COL27A1: variants seen among roughly 807,000 people sequenced by gnomAD.
COL27A1 encodes collagen alpha-1(XXVII) chain.
COL27A1 carries 106 observed loss-of-function variants against 251.3 expected under a neutral mutation model. That is an observed-to-expected ratio of 0.42 (90% CI 0.36 to 0.50). COL27A1 has a LOEUF of 0.50. Ranked by LOEUF, COL27A1 falls within the 20% of genes least tolerant of loss-of-function variation. COL27A1 has a pLI of 0.00. For missense variants in COL27A1, 2,325 were observed against 2,522.8 expected, an observed-to-expected ratio of 0.92 and a Z score of 1.68; for synonymous variants, 1,000 against 986.3, an observed-to-expected ratio of 1.01 and a Z score of -0.26.
At chr9:114,233,771 A>ATCC (rs1832138141) in intron 16 of COL27A1, among the ~76,000 whole-genome samples, 1 of 152,208 alleles carries the variant, frequency 6.6e-6, no homozygotes, top group African/African-American at 2.4e-5. Flanking sequence ...AAACTCTGGA[A>ATCC]AAAGAAAAAG....
In COL27A1 at chr9:114,245,758, G is replaced by A. The variant is rs1368142085; in HGVS notation, c.2935-108G>A. 4 of 1,012,620 alleles carry A rather than the reference G, an allele frequency of 4.0e-6. No individual in the cohort carries two copies. In the East Asian group the frequency reaches 7.2e-5, roughly 18 times the overall value. The allele number at this position is 1,012,620 out of a possible 1,614,324, so 62.7% of individuals were successfully genotyped here. On this transcript the variant is annotated intron_variant, in intron 23 of 60. Transcript: ENST00000356083. ...GCCACACACTGGAGATAAGATCCCTGGTTCATCCCCACTAATGGCAGCTAA... is the reference window on the plus strand; with the variant it reads ...GCCACACACTGGAGATAAGATCCCTAGTTCATCCCCACTAATGGCAGCTAA...
intron 12 of COL27A1, 67 bp from the exon 13 acceptor site, chr9:114,219,724 G>C: frequency 1.7e-6 from 2 of 1,166,728 alleles, no homozygotes; most frequent in South Asian, 1.2e-5. Flanking sequence ...TGGGGGTCTG[G>C]ATCAAAGCCC....
In COL27A1 at chr9:114,158,515, C is replaced by T. The variant is rs148213259; in HGVS notation, c.62+2503C>T. Among the ~76,000 whole-genome samples the T allele has an allele frequency of 1.5e-3, 225 of 152,350 alleles. 2 individuals are homozygous for T. The South Asian group carries it at 0.025, about 17-fold the overall frequency. ...TGTTTCCTCGCGGCTCCCGTTTCGG[C>T]TGCCTCCTGGCCTCCCTGGCCTCTG... On this transcript the variant is annotated intron_variant, in intron 1 of 60. Transcript: ENST00000356083.
chr9:114,307,515 T>A, intron 58 of COL27A1, 154 bp from the exon 59 acceptor site: 1 of 631,652 alleles, frequency 1.6e-6, no homozygotes, highest in South Asian at 1.8e-5. Flanking sequence ...TTTCCTTCCA[T>A]CTCGGTTGGA....
chr9:114,157,106 A>AGCG (rs1848175938), intron 1 of COL27A1, among the ~76,000 whole-genome samples: 2 of 147,844 alleles, frequency 1.4e-5, no homozygotes, highest in African/African-American at 2.5e-5. Context: ...ACACACACAT[A>AGCG]CGCGCGCGCG....
chr9:114,158,297 G>A (rs149066101), intron 1 of COL27A1, among the ~76,000 whole-genome samples: 63 of 152,322 alleles, frequency 4.1e-4, no homozygotes, highest in African/African-American at 1.4e-3. Flanking sequence ...GCTGGTGTGG[G>A]TTTCTAAGAT....
At chr9:114,241,706 C>A (rs1832767862) in intron 21 of COL27A1, among the ~76,000 whole-genome samples, 1 of 152,208 alleles carries the variant, frequency 6.6e-6, no homozygotes, top group African/African-American at 2.4e-5. Flanking sequence ...CGGCACCATC[C>A]CGAGTGATGT....
Position 114,285,973 on chromosome 9 carries a change from G to C in COL27A1, c.3987+1196G>C, listed in dbSNP as rs1214467237. On this transcript the variant is annotated intron_variant, in intron 41 of 60. Coordinates refer to ENST00000356083, the MANE Select transcript of COL27A1 (RefSeq NM_032888.4). ...GCCTTGAGTGCCTCATCAAGTGGTG[G>C]GGTCCTTGGGAATGAGAGGTCAAGG... is the stretch of plus-strand genomic sequence containing the variant. Among the ~76,000 whole-genome samples, 3 of 152,358 alleles carry C rather than the reference G, an allele frequency of 2.0e-5. No individual in the cohort carries two copies. The East Asian group carries it at 5.8e-4, about 29-fold the overall frequency.
chr9:114,192,313 CT>C (rs1472175876), intron 5 of COL27A1, among the ~76,000 whole-genome samples: 1 of 152,168 alleles, frequency 6.6e-6, no homozygotes, highest in Middle Eastern at 3.2e-3. Context: ...AGCTGCTGTC[CT>C]TTTTTGGCCA....
chr9:114,245,154 T>G (rs1169635797), intron 23 of COL27A1, among the ~76,000 whole-genome samples: 3,288 of 139,630 alleles, frequency 0.024, 166 homozygotes, highest in African/African-American at 0.084. Flanking sequence ...TCTTGTTTTT[T>G]TTTTTTTTTT....
intron 7 of COL27A1, among the ~76,000 whole-genome samples, chr9:114,204,714 C>G (rs896477855): frequency 2.0e-5 from 3 of 152,128 alleles, no homozygotes; most frequent in Non-Finnish European, 4.4e-5. Context: ...ACCTCAAGTC[C>G]TACTCAGTTT....
intron 2 of COL27A1, among the ~76,000 whole-genome samples, chr9:114,163,840 T>C (rs192074941): frequency 6.9e-6 from 1 of 145,232 alleles, no homozygotes; most frequent in African/African-American, 2.5e-5. Flanking sequence ...TCCAGAGTCC[T>C]GAGTCAGTCA....
At chr9:114,189,818 T>G (rs971579532) in intron 5 of COL27A1, among the ~76,000 whole-genome samples, 1 of 152,198 alleles carries the variant, frequency 6.6e-6, no homozygotes, top group Non-Finnish European at 1.5e-5. Flanking sequence ...ACTATTGATT[T>G]TTGTATTTTT....
intron 28 of COL27A1, among the ~76,000 whole-genome samples, chr9:114,258,921 A>T (rs62555400): frequency 0.15 from 22,978 of 152,274 alleles, 2,109 homozygotes; most frequent in Non-Finnish European, 0.19. Context: ...CTACAGGTAT[A>T]GTGGTGAACA....
At chr9:114,194,281 T>A in intron 5 of COL27A1, 123 bp from the exon 6 acceptor site, 1 of 881,842 alleles carries the variant, frequency 1.1e-6, no homozygotes, top group Non-Finnish European at 1.9e-6. Context: ...TGGAGGTGTG[T>A]GAGTGGGAGG....
At chr9:114,217,646 T>C (rs1288902766) in intron 12 of COL27A1, 16 of 386,748 alleles carry the variant, frequency 4.1e-5, no homozygotes, top group Admixed American at 9.4e-5. Context: ...CATCTCCATA[T>C]GCTGGACTTG....
chr9:114,203,877 A>AAT (rs2135291219), intron 7 of COL27A1, among the ~76,000 whole-genome samples: 1 of 152,226 alleles, frequency 6.6e-6, no homozygotes, highest in Admixed American at 6.5e-5. Flanking sequence ...GCTTGTTAGC[A>AAT]ATGGGACTCA....
At chr9:114,252,531 C>A in intron 25 of COL27A1, 62 bp from the exon 26 acceptor site, 1 of 1,470,174 alleles carries the variant, frequency 6.8e-7, no homozygotes, top group Non-Finnish European at 9.5e-7. Flanking sequence ...CTGCACCTGC[C>A]TCCCACAGAG....
chr9:114,179,519 G>C (rs1827725109), intron 4 of COL27A1, among the ~76,000 whole-genome samples: 1 of 152,186 alleles, frequency 6.6e-6, no homozygotes, highest in Non-Finnish European at 1.5e-5. Flanking sequence ...TCATGTCTAA[G>C]AGCAAATGCC....
Sources: gnomAD v4.1 joint callset for allele counts (sites outside exome capture counted in the v4.1 genomes callset) on GRCh38, gnomAD v4.1.1 for gene constraint, MANE v1.5 for transcripts, NCBI Gene and HGNC (gene_info 2026-07-23, HGNC 2026-07-21) for gene names.